The following SCARA3 variants were observed in gnomAD, a reference collection of about 807,000 sequenced individuals.
SCARA3 encodes scavenger receptor class A member 3.
Under a neutral mutation model 47.0 loss-of-function variants are expected in SCARA3, and 39 were observed. The ratio of observed to expected loss-of-function variants is 0.83; its 90% CI spans 0.64 to 1.08. SCARA3 has a LOEUF of 1.08. Among genes scored for constraint, SCARA3 ranks in the 50% least tolerant of loss-of-function variants. The probability of loss-of-function intolerance (pLI) is 0.00; values close to 1 mark genes in which losing one functional copy is unlikely to be tolerated. For synonymous variants in SCARA3, 356 were observed against 334.1 expected (o/e 1.07, Z -0.71); for missense variants, 724 against 792.3 (o/e 0.91, Z 1.04).
chr8:27,644,621 G>GGAGAGAGAGAGAGAGA (rs71553870), intron 1 of SCARA3, among the ~76,000 whole-genome samples: 2 of 147,176 alleles, frequency 1.4e-5, no homozygotes, highest in Admixed American at 6.8e-5. Flanking sequence ...GAAAAGAAGG[G>GGAGAGAGAGAGAGAGA]GAGAGAGAGA....
chr8:27,719,478 A>T, the SCARA3 span, among the ~76,000 whole-genome samples: 2 of 151,838 alleles, frequency 1.3e-5, no homozygotes, highest in African/African-American at 4.8e-5. Flanking sequence ...ACAAACTTCT[A>T]TGACAAGTTT....
At chr8:27,726,049 G>T in the SCARA3 span, among the ~76,000 whole-genome samples, 2 of 152,126 alleles carry the variant, frequency 1.3e-5, no homozygotes, top group Non-Finnish European at 2.9e-5. Flanking sequence ...TTAGGGAGTC[G>T]CAGAGGTCAC....
At chr8:27,717,636 T>G in the SCARA3 span, among the ~76,000 whole-genome samples, 1 of 151,910 alleles carries the variant, frequency 6.6e-6, no homozygotes, top group Non-Finnish European at 1.5e-5. Context: ...AATACAAAAA[T>G]TAGTCAGGTG....
chr8:27,655,963 G>A (rs576029), intron 3 of SCARA3, among the ~76,000 whole-genome samples: 44,550 of 151,952 alleles, frequency 0.29, 7,331 homozygotes, highest in South Asian at 0.45. Flanking sequence ...CCGTTTATCC[G>A]CAGTTTCAGT....
intron 5 of SCARA3, among the ~76,000 whole-genome samples, chr8:27,662,932 C>T (rs1260583516): frequency 2.6e-5 from 4 of 152,344 alleles, no homozygotes; most frequent in Non-Finnish European, 5.9e-5. Context: ...TAAATCCTCC[C>T]CTGCTGGGGT....
At chr8:27,640,217 T>A (rs983689457) in intron 1 of SCARA3, among the ~76,000 whole-genome samples, 2 of 152,182 alleles carry the variant, frequency 1.3e-5, no homozygotes, top group South Asian at 2.1e-4. Flanking sequence ...ATTATTTTTT[T>A]AAAAATCAAA....
At chr8:27,710,895 G>A in the SCARA3 span, among the ~76,000 whole-genome samples, 6 of 149,898 alleles carry the variant, frequency 4.0e-5, no homozygotes, top group Admixed American at 6.7e-5. Flanking sequence ...ATGATTTCGA[G>A]CAAGAATCTC....
At chr8:27,695,299 G>A in the SCARA3 span, among the ~76,000 whole-genome samples, 25 of 152,222 alleles carry the variant, frequency 1.6e-4, no homozygotes, top group Non-Finnish European at 2.9e-4. Context: ...TGAAGTTAGA[G>A]GGTCTGGGTT....
At chr8:27,711,607 A>G in the SCARA3 span, among the ~76,000 whole-genome samples, 1 of 152,340 alleles carries the variant, frequency 6.6e-6, no homozygotes, top group Non-Finnish European at 1.5e-5. Flanking sequence ...ATCTAGGTAT[A>G]GGAAGTACTC....
chr8:27,649,625 T>G (rs1368185047), intron 1 of SCARA3, 77 bp from the exon 2 acceptor site: 3 of 1,362,724 alleles, frequency 2.2e-6, no homozygotes, highest in Non-Finnish European at 3.1e-6. Flanking sequence ...GCATGGGATA[T>G]GGGGACAGGT....
At chr8:27,699,316 A>C in the SCARA3 span, among the ~76,000 whole-genome samples, 1 of 151,026 alleles carries the variant, frequency 6.6e-6, no homozygotes, top group Non-Finnish European at 1.5e-5. Flanking sequence ...ACTTCCAATC[A>C]AAATCCCAGC....
the SCARA3 span, among the ~76,000 whole-genome samples, chr8:27,690,940 C>T: frequency 6.6e-6 from 1 of 152,198 alleles, no homozygotes; most frequent in South Asian, 2.1e-4. Flanking sequence ...TCCTTAGACA[C>T]CCAATGTGCT....
Position 27,671,465 on chromosome 8 carries a change from G to T in SCARA3, c.*114G>T, listed in dbSNP as rs1203298048. ...TGTGGTCCTCTGATTCCAATGAGGG[G>T]GCTCCCCAGGGCTGACCCTGCAGCT... On this transcript the variant is annotated 3_prime_UTR_variant, in exon 6 of 6. Coordinates refer to ENST00000301904, the MANE Select transcript of SCARA3 (RefSeq NM_016240.3). 1 of 1,312,556 alleles carries T rather than the reference G, an allele frequency of 7.6e-7. No homozygotes were observed. Among genetic ancestry groups the T allele is most frequent in the Admixed American group, 3.7e-5 (1 of 26,954 alleles). The allele number at this position is 1,312,556 out of a possible 1,614,324, so 81.3% of individuals were successfully genotyped here.
chr8:27,687,400 C>A, the SCARA3 span, among the ~76,000 whole-genome samples: 1 of 151,940 alleles, frequency 6.6e-6, no homozygotes, highest in Non-Finnish European at 1.5e-5. Context: ...CTCAATCTTG[C>A]AGGATATTCA....
the SCARA3 span, among the ~76,000 whole-genome samples, chr8:27,693,550 A>G: frequency 6.6e-6 from 1 of 152,260 alleles, no homozygotes; most frequent in East Asian, 1.9e-4. Context: ...ATAAAATTCT[A>G]AAGCTCCCCC....
intron 5 of SCARA3, among the ~76,000 whole-genome samples, chr8:27,667,921 C>T (rs527882706): frequency 6.6e-6 from 1 of 152,162 alleles, no homozygotes; most frequent in East Asian, 1.9e-4. Context: ...TTCTCCCGGC[C>T]GCTGCCTGGG....
In SCARA3 at chr8:27,671,089, G is replaced by T; in HGVS notation, c.1559G>T (p.Gly520Val). 1 of 1,608,346 alleles carries T rather than the reference G, an allele frequency of 6.2e-7. No homozygotes were observed. The highest frequency in any genetic ancestry group is 8.5e-7 in the Non-Finnish European group (1 of 1,177,396). The change falls in exon 6 of 6, where the codon GGC becomes GTC. Residue 520 changes from glycine (G) to valine (V), a missense_variant. Physicochemically the swap from Gly to Val is moderately radical, Grantham distance 109. Coordinates refer to ENST00000301904, the MANE Select transcript of SCARA3 (RefSeq NM_016240.3). ...CCTGTTGGCCCTCGAGGGTTCCCAG[G>T]CCTCAAAGGCTCAAAGGGCAGCTTT... ...RGPVGPRGFP[G>V]LKGSKGSFGT...
downstream of SCARA3, among the ~76,000 whole-genome samples, chr8:27,675,176 TG>T (rs1173981681): frequency 6.6e-6 from 1 of 152,206 alleles, no homozygotes; most frequent in African/African-American, 2.4e-5. Context: ...GACAGGGGGC[TG>T]GGCAAGCCTT....
At chr8:27,670,820 G>A (rs536868649) in intron 5 of SCARA3, 80 bp from the exon 6 acceptor site, 34 of 1,228,058 alleles carry the variant, frequency 2.8e-5, no homozygotes, top group Admixed American at 1.3e-4. Context: ...GGCTGTCGCC[G>A]TGCCCGCTCT....
Sources: allele counts gnomAD v4.1 joint callset (sites outside exome capture counted in the v4.1 genomes callset), GRCh38; gene constraint gnomAD v4.1.1; transcripts MANE v1.5; gene names NCBI Gene and HGNC (gene_info 2026-07-23, HGNC 2026-07-21).